The following CCDC192 variants were observed in gnomAD, a reference collection of about 807,000 sequenced individuals.
CCDC192 encodes the protein coiled-coil domain containing 192.
intron 6 of CCDC192, among the ~76,000 whole-genome samples, chr5:127,927,811 AG>A (rs1246397783): frequency 6.6e-6 from 1 of 151,588 alleles, no homozygotes; most frequent in Non-Finnish European, 1.5e-5. Context: ...TATAATGGAT[AG>A]ATTTTCTTCA....
rs534040004 is a variant in CCDC192, at chr5:127,832,034, C to T, written c.411+33872C>T. 1.3e-3 allele frequency among the ~76,000 whole-genome samples: 201 copies of T among 151,658 alleles called. 1 individual carries two copies. The highest frequency in any genetic ancestry group is 4.7e-3 in the African/African-American group (195 of 41,432). ...GAATAGAAAAAAATATGAACCCTGG[C>T]AAATCAATTTTTAAAAAAGAAAAAG... On this transcript the variant is annotated intron_variant, in intron 5 of 6. Transcript: ENST00000514853.
At position 127,906,031 on chromosome 5, in the gene CCDC192, T is replaced by C. The variant is rs943790839; in HGVS notation, c.535+30370T>C. ...TGTTTTTTTATTGTGGTAAAATATA[T>C]ACAACATACAATTCACATTTTGGCC... On this transcript the variant is annotated intron_variant, in intron 6 of 6. Coordinates refer to ENST00000514853, the MANE Select transcript of CCDC192 (RefSeq NM_001317938.2). Among the ~76,000 whole-genome samples the C allele has an allele frequency of 3.3e-5, 5 of 152,228 alleles. No homozygotes were observed. In the South Asian group the frequency reaches 1.0e-3, roughly 32 times the overall value.
intron 6 of CCDC192, among the ~76,000 whole-genome samples, chr5:127,885,027 A>G (rs1420030997): frequency 2.0e-5 from 3 of 152,136 alleles, no homozygotes; most frequent in Non-Finnish European, 2.9e-5. Context: ...CTTTGTTTAT[A>G]AGACTAATTT....
At chr5:127,940,967 C>T (rs1350947468) in intron 6 of CCDC192, 4 of 373,096 alleles carry the variant, frequency 1.1e-5, no homozygotes, top group Non-Finnish European at 1.4e-5. Flanking sequence ...TCTCAAGAGG[C>T]TCCCAAGTTT....
At position 127,919,426 on chromosome 5, in the gene CCDC192, C is replaced by T. The variant is rs1000857430; in HGVS notation, c.536-21756C>T. On this transcript the variant is annotated intron_variant, in intron 6 of 6. Coordinates refer to ENST00000514853, the MANE Select transcript of CCDC192 (RefSeq NM_001317938.2). ...TTATTAATTAAGAAATCTGTGGATA[C>T]GAAAAAAAACTTCCAGAACCCATCC... 1.1e-4 allele frequency among the ~76,000 whole-genome samples: 14 copies of T among 129,294 alleles called. 2 individuals carry two copies. The highest frequency in any genetic ancestry group is 1.7e-4 in the Non-Finnish European group (11 of 65,290). The allele number at this position is 129,294 out of a possible 152,430, so 84.8% of individuals were successfully genotyped here. A position where few individuals can be genotyped will look rare whatever the true frequency, so the allele number is the denominator to read the frequency against.
At chr5:127,880,620 A>T (rs1752314099) in intron 6 of CCDC192, among the ~76,000 whole-genome samples, 1 of 151,844 alleles carries the variant, frequency 6.6e-6, no homozygotes, top group South Asian at 2.1e-4. Flanking sequence ...ATAAATAAAT[A>T]AAATGAAAAT....
rs560577720 is a variant in CCDC192, at chr5:127,810,366, T to C, written c.411+12204T>C. On this transcript the variant is annotated intron_variant, in intron 5 of 6. Coordinates refer to ENST00000514853, the MANE Select transcript of CCDC192 (RefSeq NM_001317938.2). Reference sequence around the variant, plus strand: ...CCCAATTGGCCAAAAAAGAAGAGATTGTTGAGGTGTGGGCTTGGAAAACTT... The same window carrying C: ...CCCAATTGGCCAAAAAAGAAGAGATCGTTGAGGTGTGGGCTTGGAAAACTT... 3.9e-5 allele frequency among the ~76,000 whole-genome samples: 6 copies of C among 152,246 alleles called. No individual in the cohort carries two copies. In the South Asian group the frequency reaches 8.3e-4, roughly 21 times the overall value.
intron 2 of CCDC192, among the ~76,000 whole-genome samples, chr5:127,719,941 C>G (rs1308289182): frequency 6.6e-6 from 1 of 152,048 alleles, no homozygotes; most frequent in Non-Finnish European, 1.5e-5. Flanking sequence ...TCATCTCCCA[C>G]CAGACTCTTC....
At chr5:127,777,587 AG>A (rs1755944216) in intron 3 of CCDC192, among the ~76,000 whole-genome samples, 1 of 152,150 alleles carries the variant, frequency 6.6e-6, no homozygotes, top group Admixed American at 6.5e-5. Context: ...GGGAAGATCC[AG>A]GGGTGGAATG....
chr5:127,805,819 G>A (rs1283650424), intron 5 of CCDC192, among the ~76,000 whole-genome samples: 1 of 152,104 alleles, frequency 6.6e-6, no homozygotes, highest in Admixed American at 6.6e-5. Context: ...TGATTATTTA[G>A]CCCCTCATTT....
chr5:127,709,184 A>C (rs1580508131), intron 2 of CCDC192, among the ~76,000 whole-genome samples: 1 of 90,322 alleles, frequency 1.1e-5, no homozygotes, highest in Non-Finnish European at 2.1e-5. Flanking sequence ...AGAGAGGGGG[A>C]GAGAGGTGGA....
chr5:127,780,242 T>G (rs1449877564), intron 3 of CCDC192, among the ~76,000 whole-genome samples: 1 of 152,184 alleles, frequency 6.6e-6, no homozygotes, highest in East Asian at 1.9e-4. Context: ...TTCCACAATT[T>G]TGCAATTGTG....
At chr5:127,731,042 G>A (rs1025906333) in intron 2 of CCDC192, among the ~76,000 whole-genome samples, 1 of 152,042 alleles carries the variant, frequency 6.6e-6, no homozygotes, top group Non-Finnish European at 1.5e-5. Context: ...AAGGAATAGA[G>A]CATATTCAAA....
chr5:127,932,153 C>G (rs1018845611), intron 6 of CCDC192, among the ~76,000 whole-genome samples: 1 of 72,298 alleles, frequency 1.4e-5, no homozygotes, highest in Admixed American at 1.4e-4. Flanking sequence ...GACTCCGTCT[C>G]AAAAAAAAAA....
chr5:127,888,564 G>A (rs1229950122), intron 6 of CCDC192, among the ~76,000 whole-genome samples: 1 of 151,958 alleles, frequency 6.6e-6, no homozygotes, highest in Non-Finnish European at 1.5e-5. Context: ...TAGGATTGCA[G>A]GAGAAAATGG....
chr5:127,925,595 G>T (rs182208343), intron 6 of CCDC192, among the ~76,000 whole-genome samples: 1 of 152,198 alleles, frequency 6.6e-6, no homozygotes, highest in Admixed American at 6.5e-5. Context: ...AAAGCAAGTA[G>T]CACAAAAAAA....
At chr5:127,760,701 C>CAAAAA (rs56177728) in intron 3 of CCDC192, among the ~76,000 whole-genome samples, 3 of 54,892 alleles carry the variant, frequency 5.5e-5, no homozygotes, top group Admixed American at 2.1e-4. Context: ...GATTCTGTCT[C>CAAAAA]AAAAAAAAAA....
chr5:127,783,022 G>A (rs1436874338), intron 3 of CCDC192, among the ~76,000 whole-genome samples: 1 of 148,388 alleles, frequency 6.7e-6, no homozygotes, highest in African/African-American at 2.5e-5. Context: ...TTAAGACGGA[G>A]TTTCACTCTG....
chr5:127,783,333 A>G (rs1429523803), intron 3 of CCDC192, among the ~76,000 whole-genome samples: 1 of 152,148 alleles, frequency 6.6e-6, no homozygotes, highest in Non-Finnish European at 1.5e-5. Context: ...ATTGTTGTTC[A>G]CTTTGAAGAA....
Sources: gnomAD v4.1 joint callset for allele counts (sites outside exome capture counted in the v4.1 genomes callset) on GRCh38, gnomAD v4.1.1 for gene constraint, MANE v1.5 for transcripts, NCBI Gene and HGNC (gene_info 2026-07-23, HGNC 2026-07-21) for gene names.